NAALADL2: variants seen among roughly 807,000 people sequenced by gnomAD.
The protein encoded by NAALADL2 is inactive N-acetylated-alpha-linked acidic dipeptidase-like protein 2.
A neutral mutation model predicts 87.2 loss-of-function variants in NAALADL2; 76 were observed. The observed-to-expected ratio is 0.87, with a 90% CI of 0.72 to 1.05. The LOEUF (loss-of-function observed/expected upper bound fraction) is 1.05, where lower values mean the gene tolerates loss of function less well. Ranked by LOEUF, NAALADL2 falls within the 50% of genes least tolerant of loss-of-function variation. The pLI, the probability that NAALADL2 is intolerant of heterozygous loss-of-function variation, is 0.00. For synonymous variants in NAALADL2, 354 were observed against 331.0 expected, an observed-to-expected ratio of 1.07 and a Z score of -0.75; for missense variants, 1,089 against 945.8, an observed-to-expected ratio of 1.15 and a Z score of -1.99.
intron 4 of NAALADL2, among the ~76,000 whole-genome samples, chr3:175,275,666 C>G (rs1753486012): frequency 6.6e-6 from 1 of 151,948 alleles, no homozygotes; most frequent in Non-Finnish European, 1.5e-5. Flanking sequence ...GTACCTCTTG[C>G]CCATATGGTG....
At chr3:174,644,771 CA>C (rs1237457329) in intron 2 of NAALADL2, among the ~76,000 whole-genome samples, 1 of 152,134 alleles carries the variant, frequency 6.6e-6, no homozygotes, top group African/African-American at 2.4e-5. Flanking sequence ...CAAGGTTTTT[CA>C]AGATATTTGT....
chr3:175,192,743 C>G (rs1255801414), intron 2 of NAALADL2, among the ~76,000 whole-genome samples: 1 of 151,882 alleles, frequency 6.6e-6, no homozygotes, highest in Non-Finnish European at 1.5e-5. Context: ...TCCGTTGGCT[C>G]CTATCCAATG....
intron 5 of NAALADL2, among the ~76,000 whole-genome samples, chr3:175,353,499 C>G (rs1158031842): frequency 6.6e-6 from 1 of 152,080 alleles, no homozygotes; most frequent in Non-Finnish European, 1.5e-5. Flanking sequence ...ATTGCTACTG[C>G]ATTAAACAAT....
chr3:174,946,349 G>A (rs144171760), intron 1 of NAALADL2, among the ~76,000 whole-genome samples: 3 of 152,048 alleles, frequency 2.0e-5, no homozygotes, highest in Non-Finnish European at 4.4e-5. Context: ...AGAATCTATG[G>A]TAAAGATGGC....
intron 2 of NAALADL2, among the ~76,000 whole-genome samples, chr3:175,226,563 A>C (rs1421534818): frequency 6.6e-6 from 1 of 152,134 alleles, no homozygotes; most frequent in African/African-American, 2.4e-5. Context: ...TAGGACGTTC[A>C]ACATCTTGAT....
At chr3:174,567,796 G>C (rs1210763305) in intron 2 of NAALADL2, among the ~76,000 whole-genome samples, 1 of 151,486 alleles carries the variant, frequency 6.6e-6, no homozygotes, top group Non-Finnish European at 1.5e-5. Context: ...GTAGTACCTG[G>C]TACCCAGTAG....
chr3:174,886,213 T>C lies in NAALADL2; in HGVS notation c.43+26763T>C, dbSNP rs543108463. Among the ~76,000 whole-genome samples, 11 of 152,194 alleles carry C rather than the reference T, an allele frequency of 7.2e-5. No individual in the cohort carries two copies. The South Asian group carries it at 2.3e-3, about 32-fold the overall frequency. On this transcript the variant is annotated intron_variant, in intron 1 of 13. Coordinates refer to ENST00000454872, the MANE Select transcript of NAALADL2 (RefSeq NM_207015.3). ...CAGGCATGAGCCACTATGCCCCGCC[T>C]GTCGGAGTTCTAAAACTGAAGAACT...
intron 11 of NAALADL2, among the ~76,000 whole-genome samples, chr3:175,669,125 T>C (rs1310758993): frequency 1.3e-5 from 2 of 152,116 alleles, no homozygotes. Flanking sequence ...ATTCCCATAA[T>C]ACTATTCTAA....
chr3:175,389,677 C>A (rs1362556473), intron 5 of NAALADL2, among the ~76,000 whole-genome samples: 1 of 152,106 alleles, frequency 6.6e-6, no homozygotes, highest in African/African-American at 2.4e-5. Flanking sequence ...ATTTATTAAG[C>A]CTTAAGCTGG....
intron 3 of NAALADL2, among the ~76,000 whole-genome samples, chr3:174,769,667 T>A (rs1414225852): frequency 8.4e-6 from 1 of 118,954 alleles, no homozygotes; most frequent in East Asian, 2.0e-4. Context: ...GAAAATACAA[T>A]TTGGAAATTT....
intron 2 of NAALADL2, among the ~76,000 whole-genome samples, chr3:174,671,135 A>G (rs925634762): frequency 2.0e-5 from 3 of 152,092 alleles, no homozygotes; most frequent in African/African-American, 4.8e-5. Context: ...CCGTGAACCA[A>G]TTAAACCTCT....
chr3:175,577,317 A>T (rs1719044911), intron 10 of NAALADL2, among the ~76,000 whole-genome samples: 1 of 152,242 alleles, frequency 6.6e-6, no homozygotes, highest in Non-Finnish European at 1.5e-5. Context: ...CCTTGAGCAG[A>T]TAATAAGTCC....
chr3:175,186,223 T>C (rs1431434294), intron 2 of NAALADL2, among the ~76,000 whole-genome samples: 1 of 152,038 alleles, frequency 6.6e-6, no homozygotes, highest in African/African-American at 2.4e-5. Context: ...TCAGTCTTCA[T>C]TATACAATAA....
intron 3 of NAALADL2, among the ~76,000 whole-genome samples, chr3:174,756,823 G>T (rs545012): frequency 0.79 from 120,326 of 152,158 alleles, 47,797 homozygotes; most frequent in African/African-American, 0.86. Flanking sequence ...CATATCTTCT[G>T]GCCTTTGCAC....
At chr3:175,005,242 A>T (rs1748858136) in intron 1 of NAALADL2, among the ~76,000 whole-genome samples, 1 of 152,140 alleles carries the variant, frequency 6.6e-6, no homozygotes, top group South Asian at 2.1e-4. Context: ...TGAGCAGATA[A>T]AGGTTAATAA....
intron 6 of NAALADL2, among the ~76,000 whole-genome samples, chr3:175,461,903 A>T (rs375494632): frequency 6.6e-6 from 1 of 152,138 alleles, no homozygotes; most frequent in East Asian, 1.9e-4. Flanking sequence ...CTATGAGACA[A>T]TAAAAAGATC....
intron 11 of NAALADL2, 52 bp downstream of exon 11, chr3:175,627,438 T>A (rs1347791110): frequency 8.4e-7 from 1 of 1,191,254 alleles, no homozygotes; most frequent in Non-Finnish European, 1.2e-6. Context: ...TTCTTCTTTA[T>A]TGGTAGATGG....
intron 5 of NAALADL2, among the ~76,000 whole-genome samples, chr3:175,428,389 A>G (rs1343099196): frequency 6.6e-6 from 1 of 152,134 alleles, no homozygotes; most frequent in African/African-American, 2.4e-5. Flanking sequence ...ATTCCACTTT[A>G]TAACAAAATA....
chr3:175,452,841 G>C lies in NAALADL2; in HGVS notation c.1234+5469G>C, dbSNP rs565480214. Among the ~76,000 whole-genome samples, 8 of 152,264 alleles carry C rather than the reference G, an allele frequency of 5.3e-5. No homozygotes were observed. The East Asian group carries it at 1.4e-3, about 26-fold the overall frequency. On this transcript the variant is annotated intron_variant, in intron 6 of 13. Coordinates refer to ENST00000454872, the MANE Select transcript of NAALADL2 (RefSeq NM_207015.3). The stretch of plus-strand genomic sequence containing the variant: ...TCATCAGGGATCTTAAATGGAGTGA[G>C]CGTAGGGGGGAACCTATTGTCCAAA...
Sources: allele counts gnomAD v4.1 joint callset (sites outside exome capture counted in the v4.1 genomes callset), GRCh38; gene constraint gnomAD v4.1.1; transcripts MANE v1.5; gene names NCBI Gene and HGNC (gene_info 2026-07-23, HGNC 2026-07-21).